Variants in IL10RA observed in about 807,000 individuals in gnomAD.
The protein encoded by IL10RA is interleukin-10 receptor subunit alpha.
Under a neutral mutation model 29.6 loss-of-function variants are expected in IL10RA, and 18 were observed. That is an observed-to-expected ratio of 0.61 (90% CI 0.42 to 0.90). The LOEUF (loss-of-function observed/expected upper bound fraction) is 0.90, where lower values mean the gene tolerates loss of function less well. IL10RA is among the 40% of genes least tolerant of loss of function. The probability of loss-of-function intolerance (pLI) is 0.00; values close to 1 mark genes in which losing one functional copy is unlikely to be tolerated. For missense variants in IL10RA, 634 were observed against 716.6 expected, an observed-to-expected ratio of 0.88 and a Z score of 1.32; for synonymous variants, 292 against 294.1, an observed-to-expected ratio of 0.99 and a Z score of 0.07.
At position 117,989,390 on chromosome 11, in the gene IL10RA, G is replaced by A. The variant is rs2058007686; in HGVS notation, c.189-52G>A. 15 of 1,529,046 alleles carry A rather than the reference G, an allele frequency of 9.8e-6. No individual in the cohort carries two copies. In the Admixed American group the frequency reaches 1.0e-4, roughly 10 times the overall value. The allele number at this position is 1,529,046 out of a possible 1,614,324, so 94.7% of individuals were successfully genotyped here. ...GGCCTCTTGCGTCTCCCTTAAAGGA[G>A]GTAGGATTGAGCACAAGCTCGTTTC... On this transcript the variant is annotated intron_variant, in intron 2 of 6. Coordinates refer to ENST00000227752, the MANE Select transcript of IL10RA (RefSeq NM_001558.4). The surrounding 1 kb of genome is among the most constrained non-coding windows in gnomAD (Gnocchi z 4.5).
chr11:117,996,106 C>G (rs1214302670), intron 6 of IL10RA, among the ~76,000 whole-genome samples: 4 of 152,252 alleles, frequency 2.6e-5, no homozygotes, highest in African/African-American at 9.6e-5. Flanking sequence ...ACACAGAGGG[C>G]CACACAGCCA....
chr11:117,987,702 T>C (rs1009107654), intron 1 of IL10RA: 3 of 158,482 alleles, frequency 1.9e-5, no homozygotes, highest in Non-Finnish European at 4.2e-5. Flanking sequence ...GAGCTAGGAA[T>C]TGGTATTGAG....
intron 4 of IL10RA, 142 bp from the exon 5 acceptor site, chr11:117,993,857 T>G: frequency 1.4e-6 from 1 of 713,478 alleles, no homozygotes; most frequent in Non-Finnish European, 2.5e-6. Flanking sequence ...ATGTGCTGCA[T>G]TGGTAATTGT....
At position 117,999,947 on chromosome 11, in the gene IL10RA, T is replaced by C. The variant is rs963850398; in HGVS notation, c.*306T>C. On this transcript the variant is annotated 3_prime_UTR_variant, in exon 7 of 7. Transcript: ENST00000227752. ...TCCCTCCTAGGAACTCTTTCCTGTATCATAAAGGATTATTTGCTCAGGGGA... is the reference window on the plus strand; with the variant it reads ...TCCCTCCTAGGAACTCTTTCCTGTACCATAAAGGATTATTTGCTCAGGGGA... 2 of 558,272 alleles carry C rather than the reference T, an allele frequency of 3.6e-6. No homozygotes were observed. The highest frequency in any genetic ancestry group is 3.7e-5 in the African/African-American group (2 of 53,882). The allele number at this position is 558,272 out of a possible 1,614,324, so 34.6% of individuals were successfully genotyped here. A position where few individuals can be genotyped will look rare whatever the true frequency, so the allele number is the denominator to read the frequency against.
rs1421786596 is a variant in IL10RA at position 117,989,462 on chromosome 11, A to G, written c.209A>G (p.Asn70Ser). The G allele has an allele frequency of 6.2e-7, 1 of 1,613,624 alleles. No homozygotes were observed. Among genetic ancestry groups the G allele is most frequent in the Non-Finnish European group, 8.5e-7 (1 of 1,179,890 alleles). ...ALLRYGIESW[N>S]SISNCSQTLS... ...CTCAGGTATGGAATAGAGTCCTGGAACTCCATCTCCAACTGTAGCCAGACC... is the reference window on the plus strand; with the variant it reads ...CTCAGGTATGGAATAGAGTCCTGGAGCTCCATCTCCAACTGTAGCCAGACC... The change falls in exon 3 of 7, where the codon AAC (asparagine) becomes AGC (serine). Residue 70 changes from asparagine to serine, a missense_variant. Physicochemically the swap from Asn to Ser is conservative, Grantham distance 46 (BLOSUM62 1). Coordinates refer to ENST00000227752, the MANE Select transcript of IL10RA (RefSeq NM_001558.4). This position sits in a 1 kb window ranked among gnomAD's most constrained non-coding sequence, Gnocchi z 4.5.
chr11:117,989,581 A>C lies in IL10RA; in HGVS notation c.328A>C (p.Asn110His). 1 of 1,614,144 alleles carries C rather than the reference A, an allele frequency of 6.2e-7. No individual in the cohort carries two copies. The highest frequency in any genetic ancestry group is 2.2e-5 in the East Asian group (1 of 44,862). ...VRAVDGSRHS[N>H]WTVTNTRFSV... is the part of the protein sequence containing the mutation. Reference sequence around the variant, plus strand: ...GGCTGTGGACGGCAGCCGGCACTCCAACTGGACCGTCACCAACACCCGCTT... The same window carrying C: ...GGCTGTGGACGGCAGCCGGCACTCCCACTGGACCGTCACCAACACCCGCTT... The change falls in exon 3 of 7, where the codon AAC (asparagine) becomes CAC (histidine). Residue 110 changes from asparagine to histidine, a missense_variant. By Grantham distance (68) the Asn-to-His change is moderately conservative. Coordinates refer to ENST00000227752, the MANE Select transcript of IL10RA (RefSeq NM_001558.4). The surrounding 1 kb of genome is among the most constrained non-coding windows in gnomAD (Gnocchi z 4.5).
At chr11:118,001,530 G>A (rs1328138790), downstream of IL10RA, 2 of 377,150 alleles carry the variant, frequency 5.3e-6, no homozygotes, top group Non-Finnish European at 1.0e-5. Flanking sequence ...GCTCATGGAG[G>A]ACTCGGTTGT....
chr11:117,999,727 C>T lies in IL10RA; in HGVS notation c.*86C>T. On this transcript the variant is annotated 3_prime_UTR_variant, in exon 7 of 7. Coordinates refer to ENST00000227752, the MANE Select transcript of IL10RA (RefSeq NM_001558.4). ...GAGGGCCCCTGGGGCAGAAGTTAGG[C>T]ACGAGGCAGTCTGGGCACTTTTCTG... 7.9e-7 allele frequency: 1 copy of T among 1,258,750 alleles called. No homozygotes were observed. Among genetic ancestry groups the T allele is most frequent in the South Asian group, 1.2e-5 (1 of 82,746 alleles). The allele number at this position is 1,258,750 out of a possible 1,614,324, so 78.0% of individuals were successfully genotyped here. A position where few individuals can be genotyped will look rare whatever the true frequency, so the allele number is the denominator to read the frequency against.
intron 3 of IL10RA, among the ~76,000 whole-genome samples, chr11:117,990,160 G>A (rs1289913029): frequency 6.6e-6 from 1 of 152,174 alleles, no homozygotes; most frequent in East Asian, 1.9e-4. Flanking sequence ...TGTGCATGGA[G>A]ACCTCGCTCT....
chr11:117,987,293 A>C, intron 1 of IL10RA: 1 of 188,838 alleles, frequency 5.3e-6, no homozygotes, highest in Non-Finnish European at 1.1e-5. Flanking sequence ...TGCAGCCCAA[A>C]TACCACAACG....
At chr11:117,998,249 A>G (rs2058068641) in intron 6 of IL10RA, among the ~76,000 whole-genome samples, 2 of 152,248 alleles carry the variant, frequency 1.3e-5, no homozygotes, top group East Asian at 3.8e-4. Flanking sequence ...CTGCAGAAAT[A>G]TCGTGGCACA....
rs542594007 is a variant in IL10RA at position 117,994,617 on chromosome 11, G to C, written c.688+468G>C. ...TACTGCTCCAGGCTGTCAGTCAGGT[G>C]CCGGGGCTGTAGGGGGAGGGAGATA... is the stretch of plus-strand genomic sequence containing the variant. On this transcript the variant is annotated intron_variant, in intron 5 of 6. Coordinates refer to ENST00000227752, the MANE Select transcript of IL10RA (RefSeq NM_001558.4). Among the ~76,000 whole-genome samples the C allele has an allele frequency of 1.6e-4, 25 of 152,346 alleles. No individual in the cohort carries two copies. In the South Asian group the frequency reaches 5.2e-3, roughly 32 times the overall value.
chr11:117,996,645 A>G (rs184302372), intron 6 of IL10RA, among the ~76,000 whole-genome samples: 46 of 152,372 alleles, frequency 3.0e-4, no homozygotes, highest in African/African-American at 1.1e-3. Flanking sequence ...AGACAAGTGC[A>G]GTGGCACAAT....
At chr11:117,992,898 T>C in intron 3 of IL10RA, 1 of 310,548 alleles carries the variant, frequency 3.2e-6, no homozygotes. Context: ...CTATTTTCAT[T>C]GTTCTGTTTG....
intron 6 of IL10RA, among the ~76,000 whole-genome samples, chr11:117,996,965 C>G (rs2058060948): frequency 6.6e-6 from 1 of 152,236 alleles, no homozygotes; most frequent in African/African-American, 2.4e-5. Flanking sequence ...ATCCCTTCAT[C>G]TGATGATCGT....
chr11:117,995,800 C>T, intron 6 of IL10RA, 90 bp downstream of exon 6: 1 of 1,394,076 alleles, frequency 7.2e-7, no homozygotes, highest in Non-Finnish European at 9.9e-7. Context: ...CCCAGCCAGT[C>T]CATTGCCTTA....
Position 117,999,710 on chromosome 11 carries a change from CT to C in IL10RA, c.*70del. On this transcript the variant is annotated 3_prime_UTR_variant, in exon 7 of 7. Coordinates refer to ENST00000227752, the MANE Select transcript of IL10RA (RefSeq NM_001558.4). ...TCTGCCTGGACCAGGAGGAGGGCCC[CT>C]GGGGCAGAAGTTAGGCACGAGGCAG... The C allele has an allele frequency of 7.0e-7, 1 of 1,429,256 alleles. No homozygotes were observed. Among genetic ancestry groups the C allele is most frequent in the South Asian group, 1.1e-5 (1 of 87,178 alleles). 88.5% of individuals were successfully genotyped at this position (1,429,256 alleles called of 1,614,324 possible).
Position 117,999,082 on chromosome 11 carries a change from G to A in IL10RA, c.1178G>A (p.Ser393Asn), listed in dbSNP as rs1314899552. ...TGPTWEQQVG[S>N]NSRGQDDSGI... Reference sequence around the variant, plus strand: ...CCCACCTGGGAGCAACAGGTGGGGAGCAACAGCAGGGGCCAGGATGACAGT... The same window carrying A: ...CCCACCTGGGAGCAACAGGTGGGGAACAACAGCAGGGGCCAGGATGACAGT... Residue 393 changes from serine (S) to asparagine (N), a missense_variant, in exon 7 of 7, where the codon AGC (serine) becomes AAC (asparagine). Ser to Asn is a conservative substitution (Grantham distance 46). Coordinates refer to ENST00000227752, the MANE Select transcript of IL10RA (RefSeq NM_001558.4). The A allele has an allele frequency of 1.2e-6, 2 of 1,611,072 alleles. No homozygotes were observed. The highest frequency in any genetic ancestry group is 8.5e-7 in the Non-Finnish European group (1 of 1,177,434).
At chr11:117,996,375 A>C (rs2061710730) in intron 6 of IL10RA, among the ~76,000 whole-genome samples, 1 of 152,202 alleles carries the variant, frequency 6.6e-6, no homozygotes, top group Admixed American at 6.5e-5. Flanking sequence ...GTACTGACAA[A>C]TGATACATTT....
Sources: allele counts gnomAD v4.1 joint callset (sites outside exome capture counted in the v4.1 genomes callset), GRCh38; gene constraint gnomAD v4.1.1; non-coding constraint Gnocchi (gnomAD v3.1); transcripts MANE v1.5; gene names NCBI Gene and HGNC (gene_info 2026-07-23, HGNC 2026-07-21).